Variants in GPC5 observed in about 807,000 individuals in gnomAD.
GPC5 encodes glypican 5, also known as glypican-5.
GPC5 carries 47 observed loss-of-function variants against 53.9 expected under a neutral mutation model. The observed-to-expected ratio is 0.87, with a 90% confidence interval of 0.69 to 1.11. The LOEUF (loss-of-function observed/expected upper bound fraction) is 1.11, where lower values mean the gene tolerates loss of function less well. GPC5 is among the 50% of genes most tolerant of loss of function. The pLI is 0.00. For synonymous variants in GPC5, 286 were observed against 263.3 expected (o/e 1.09, Z -0.84); for missense variants, 748 against 713.1 (o/e 1.05, Z -0.56).
intron 7 of GPC5, among the ~76,000 whole-genome samples, chr13:92,725,656 A>G (rs891660161): frequency 6.6e-6 from 1 of 151,636 alleles, no homozygotes; most frequent in Admixed American, 6.6e-5. Context: ...CAAAAAAATG[A>G]AAATAAAAAT....
At chr13:91,784,830 A>C (rs1285928127) in intron 5 of GPC5, among the ~76,000 whole-genome samples, 1 of 152,188 alleles carries the variant, frequency 6.6e-6, no homozygotes, top group African/African-American at 2.4e-5. Context: ...TGAATTCAAA[A>C]GTTGGCAATA....
intron 6 of GPC5, among the ~76,000 whole-genome samples, chr13:92,040,515 A>G (rs1362414541): frequency 6.6e-6 from 1 of 152,258 alleles, no homozygotes; most frequent in African/African-American, 2.4e-5. Context: ...GTAGTCTACG[A>G]TAATTACACA....
intron 7 of GPC5, among the ~76,000 whole-genome samples, chr13:92,807,453 C>T (rs1043059996): frequency 9.2e-5 from 14 of 152,056 alleles, no homozygotes; most frequent in African/African-American, 3.4e-4. Context: ...TCAGAGTCAG[C>T]TTTCAAGTTG....
chr13:92,518,430 C>T lies in GPC5; in HGVS notation c.1562-347852C>T, dbSNP rs138627818. 7.9e-5 allele frequency among the ~76,000 whole-genome samples: 12 copies of T among 152,160 alleles called. No individual in the cohort carries two copies. In the East Asian group the frequency reaches 1.9e-3, roughly 25 times the overall value. The stretch of plus-strand genomic sequence containing the variant: ...CCCATCAGACTAACAGCAGATCTCT[C>T]GGCAGAAACTCTACAAGCCAGAAGA... On this transcript the variant is annotated intron_variant, in intron 7 of 7. Coordinates refer to ENST00000377067, the MANE Select transcript of GPC5 (RefSeq NM_004466.6).
At chr13:92,540,705 T>C (rs1325887005) in intron 7 of GPC5, among the ~76,000 whole-genome samples, 1 of 151,908 alleles carries the variant, frequency 6.6e-6, no homozygotes, top group Non-Finnish European at 1.5e-5. Context: ...AATGGCTACA[T>C]ATGCCCTCTA....
chr13:91,565,465 T>C (rs7332002), intron 2 of GPC5, among the ~76,000 whole-genome samples: 71,897 of 152,074 alleles, frequency 0.47, 18,912 homozygotes, highest in African/African-American at 0.73. Flanking sequence ...AATATTTGCT[T>C]AACTTATTGG....
intron 6 of GPC5, among the ~76,000 whole-genome samples, chr13:92,073,400 G>T (rs867299604): frequency 1.3e-5 from 2 of 152,112 alleles, no homozygotes; most frequent in Admixed American, 1.3e-4. Flanking sequence ...TTTATATACA[G>T]ATTTCTGATC....
chr13:92,642,933 G>A (rs1885641991), intron 7 of GPC5, among the ~76,000 whole-genome samples: 2 of 152,210 alleles, frequency 1.3e-5, no homozygotes, highest in African/African-American at 2.4e-5. Context: ...GGTATTTGCA[G>A]TGCTACAACG....
At chr13:92,054,841 C>T (rs554447009) in intron 6 of GPC5, among the ~76,000 whole-genome samples, 1 of 152,166 alleles carries the variant, frequency 6.6e-6, no homozygotes, top group South Asian at 2.1e-4. Flanking sequence ...ATACAAAATC[C>T]CCAGGATTAA....
intron 7 of GPC5, chr13:92,339,703 T>C (rs2043350393): frequency 6.6e-6 from 1 of 152,120 alleles, no homozygotes; most frequent in African/African-American, 2.4e-5. Context: ...CCACTGCAAA[T>C]GCTGTGCTAT....
chr13:92,235,040 G>C (rs2042560234), intron 7 of GPC5, among the ~76,000 whole-genome samples: 3 of 152,116 alleles, frequency 2.0e-5, no homozygotes, highest in Admixed American at 2.0e-4. Context: ...ATCTTAAAAT[G>C]TGTTTTATAA....
chr13:92,787,258 T>C lies in GPC5; in HGVS notation c.1562-79024T>C, dbSNP rs566346445. Reference sequence around the variant, plus strand: ...CCAAAATGGAAGATGATAGAGGAATTGGAGAATATCTTTAAAATCAGAAAA... The same window carrying C: ...CCAAAATGGAAGATGATAGAGGAATCGGAGAATATCTTTAAAATCAGAAAA... On this transcript the variant is annotated intron_variant, in intron 7 of 7. Coordinates refer to ENST00000377067, the MANE Select transcript of GPC5 (RefSeq NM_004466.6). 6.6e-3 allele frequency among the ~76,000 whole-genome samples: 1,008 copies of C among 152,084 alleles called. 16 individuals are homozygous for C. Among genetic ancestry groups the C allele is most frequent in the African/African-American group, 0.023 (957 of 41,490 alleles).
At position 92,792,136 on chromosome 13, in the gene GPC5, A is replaced by G. The variant is rs537942650; in HGVS notation, c.1562-74146A>G. Among the ~76,000 whole-genome samples, 21 of 152,230 alleles carry G rather than the reference A, an allele frequency of 1.4e-4. 1 individual carries two copies. The East Asian group carries it at 3.9e-3, about 28-fold the overall frequency. On this transcript the variant is annotated intron_variant, in intron 7 of 7. Coordinates refer to ENST00000377067, the MANE Select transcript of GPC5 (RefSeq NM_004466.6). Reference sequence around the variant, plus strand: ...GATTCACCAAGGTTGAAATGAAGGAAAAAATGTTAAGGGCAGCCAGAGAGA... The same window carrying G: ...GATTCACCAAGGTTGAAATGAAGGAGAAAATGTTAAGGGCAGCCAGAGAGA...
intron 7 of GPC5, among the ~76,000 whole-genome samples, chr13:92,724,911 C>CACACACA (rs1555306823): frequency 1.4e-4 from 20 of 144,228 alleles, no homozygotes; most frequent in African/African-American, 5.3e-4. Flanking sequence ...CACACACACA[C>CACACACA]AAGAAAGAAA....
At chr13:91,850,080 T>C (rs572073618) in intron 5 of GPC5, among the ~76,000 whole-genome samples, 141 of 152,292 alleles carry the variant, frequency 9.3e-4, no homozygotes, top group African/African-American at 2.3e-3. Context: ...AACGGAGGTT[T>C]TTCAGATCAA....
In GPC5 at chr13:92,170,772, A is replaced by C. The variant is rs80195856; in HGVS notation, c.1561+25783A>C. Among the ~76,000 whole-genome samples, 593 of 151,952 alleles carry C rather than the reference A, an allele frequency of 3.9e-3. 4 individuals carry two copies. The highest frequency in any genetic ancestry group is 0.013 in the African/African-American group (552 of 41,492). ...ACTATTTAACTACCAACTTTCCCAAAACTTCGCATGTTCACAGTTTCTACT... is the reference window on the plus strand; with the variant it reads ...ACTATTTAACTACCAACTTTCCCAACACTTCGCATGTTCACAGTTTCTACT... On this transcript the variant is annotated intron_variant, in intron 7 of 7. Coordinates refer to ENST00000377067, the MANE Select transcript of GPC5 (RefSeq NM_004466.6).
At chr13:91,422,580 G>A (rs1400393004) in intron 1 of GPC5, among the ~76,000 whole-genome samples, 6 of 152,006 alleles carry the variant, frequency 3.9e-5, no homozygotes, top group African/African-American at 1.5e-4. Flanking sequence ...AGTTTGCAGT[G>A]AGCCCAGATC....
chr13:92,036,087 G>A (rs1205211148), intron 6 of GPC5, among the ~76,000 whole-genome samples: 4 of 152,194 alleles, frequency 2.6e-5, no homozygotes, highest in African/African-American at 7.2e-5. Flanking sequence ...CCAGTTAAAT[G>A]TGGCTGCCTT....
At chr13:92,134,645 A>G (rs1287863951) in intron 6 of GPC5, among the ~76,000 whole-genome samples, 1 of 152,190 alleles carries the variant, frequency 6.6e-6, no homozygotes, top group African/African-American at 2.4e-5. Flanking sequence ...TTTCAGTCAT[A>G]GAAATTCACT....
Sources: allele counts gnomAD v4.1 joint callset (sites outside exome capture counted in the v4.1 genomes callset), GRCh38; gene constraint gnomAD v4.1.1; transcripts MANE v1.5; gene names NCBI Gene and HGNC (gene_info 2026-07-23, HGNC 2026-07-21).